The following CHMP7 variants were observed in gnomAD, a reference collection of about 807,000 sequenced individuals.
CHMP7 encodes the protein charged multivesicular body protein 7, also known as CHMP family, member 7.
In CHMP7, 15 loss-of-function variants were observed where a neutral mutation model predicts 53.7. The observed-to-expected ratio is 0.28, with a 90% CI of 0.19 to 0.43. The LOEUF (loss-of-function observed/expected upper bound fraction) is 0.43, where lower values mean the gene tolerates loss of function less well. Ranked by LOEUF, CHMP7 falls within the 20% of genes least tolerant of loss-of-function variation. CHMP7 has a pLI of 1.00. For synonymous variants in CHMP7, 261 were observed against 228.0 expected (o/e 1.14, Z -1.30); for missense variants, 527 against 569.4 (o/e 0.93, Z 0.76).
At chr8:23,247,172 G>C (rs1801733362) in intron 2 of CHMP7, among the ~76,000 whole-genome samples, 178 bp downstream of exon 2, 1 of 152,106 alleles carries the variant, frequency 6.6e-6, no homozygotes, top group Admixed American at 6.5e-5. Flanking sequence ...GGGCTAGGGA[G>C]GCTTGGAGGG....
intron 5 of CHMP7, 91 bp downstream of exon 5, chr8:23,256,684 A>G: frequency 1.2e-6 from 1 of 833,370 alleles, no homozygotes; most frequent in Non-Finnish European, 1.7e-6. Context: ...TTTAAAAAAT[A>G]GGTGGGTTTT....
chr8:23,256,626 C>G, intron 5 of CHMP7, 33 bp downstream of exon 5: 1 of 1,601,110 alleles, frequency 6.2e-7, no homozygotes, highest in South Asian at 1.1e-5. Context: ...GCCTCCTCCC[C>G]ACTGTTGCTG....
chr8:23,254,388 TTTTTG>T (rs1287371380), intron 3 of CHMP7, among the ~76,000 whole-genome samples: 2 of 152,108 alleles, frequency 1.3e-5, no homozygotes, highest in Non-Finnish European at 2.9e-5. Flanking sequence ...TTTTCTTTGT[TTTTTG>T]TTTTGTTTTG....
In CHMP7 at chr8:23,255,258, G is replaced by C; in HGVS notation, c.483G>C (p.Glu161Asp). 1 of 1,614,144 alleles carries C rather than the reference G, an allele frequency of 6.2e-7. No homozygotes were observed. The highest frequency in any genetic ancestry group is 1.3e-5 in the African/African-American group (1 of 75,064). ...VAVELLKEKA[E>D]EVYRLYQNSP... ...TGCCTTTCCCACAGGAAAAGGCTGA[G>C]GAGGTGTATCGTCTGTATCAGAACT... Residue 161 changes from glutamate to aspartate, a missense_variant, in exon 4 of 11, where the codon GAG (glutamate) becomes GAC (aspartate). Transcript: ENST00000397677.
At chr8:23,252,991 G>A (rs1021581218) in intron 3 of CHMP7, among the ~76,000 whole-genome samples, 3 of 152,134 alleles carry the variant, frequency 2.0e-5, no homozygotes, top group Non-Finnish European at 4.4e-5. Context: ...CACTGTTGAC[G>A]AGTCACTTCT....
intron 2 of CHMP7, 60 bp downstream of exon 2, chr8:23,247,054 G>A (rs2128856532): frequency 2.1e-6 from 3 of 1,431,238 alleles, no homozygotes; most frequent in Non-Finnish European, 2.8e-6. Flanking sequence ...TCGGAGGGCC[G>A]GGCCCTGGTC....
rs537332195 is a variant in CHMP7, at chr8:23,258,193, G to A, written c.840+112G>A. 11 of 1,446,090 alleles carry A rather than the reference G, an allele frequency of 7.6e-6. No individual in the cohort carries two copies. In the East Asian group the frequency reaches 1.6e-4, roughly 21 times the overall value. 89.6% of individuals were successfully genotyped at this position (1,446,090 alleles called of 1,614,324 possible). ...GTTTTGAGGGGGGTAGAGTCTGCAG[G>A]GGGCCCAGGCACCACAGCTTATTTT... On this transcript the variant is annotated intron_variant, in intron 6 of 10. Coordinates refer to ENST00000397677, the MANE Select transcript of CHMP7 (RefSeq NM_152272.5).
chr8:23,260,937 AGG>A lies in CHMP7; in HGVS notation c.*341_*342del. The stretch of plus-strand genomic sequence containing the variant: ...CCACCAGCTTCGTTCCAGCCCATGA[AGG>A]GGAAAGATTTGCAGCTTTGCCAAAT... On this transcript the variant is annotated 3_prime_UTR_variant, in exon 11 of 11. Coordinates refer to ENST00000397677, the MANE Select transcript of CHMP7 (RefSeq NM_152272.5). The A allele has an allele frequency of 6.0e-6, 2 of 333,918 alleles. No homozygotes were observed. Among genetic ancestry groups the A allele is most frequent in the East Asian group, 1.1e-4 (2 of 18,134 alleles). The allele number at this position is 333,918 out of a possible 1,614,324, so 20.7% of individuals were successfully genotyped here. A position where few individuals can be genotyped will look rare whatever the true frequency, so the allele number is the denominator to read the frequency against.
rs1802349363 is a variant in CHMP7, at chr8:23,260,628, AAGAG to A, written c.*33_*36del. The A allele has an allele frequency of 1.9e-6, 3 of 1,558,920 alleles. No homozygotes were observed. The highest frequency in any genetic ancestry group is 2.7e-6 in the Non-Finnish European group (3 of 1,129,586). On this transcript the variant is annotated 3_prime_UTR_variant, in exon 11 of 11. Coordinates refer to ENST00000397677, the MANE Select transcript of CHMP7 (RefSeq NM_152272.5). ...CCTCAAGTGAAGGACCCTCATGTAAAAGAGAGACCAGGCTTGCTGGGTGTGTACA... is the reference window on the plus strand; with the variant it reads ...CCTCAAGTGAAGGACCCTCATGTAAAAGACCAGGCTTGCTGGGTGTGTACA...
rs1263320715 is a variant in CHMP7 at position 23,247,040 on chromosome 8, G to C, written c.299+46G>C. 10 of 1,454,188 alleles carry C rather than the reference G, an allele frequency of 6.9e-6. No individual in the cohort carries two copies. In the African/African-American group the frequency reaches 1.4e-4, roughly 21 times the overall value. The allele number at this position is 1,454,188 out of a possible 1,614,324, so 90.1% of individuals were successfully genotyped here. A position where few individuals can be genotyped will look rare whatever the true frequency, so the allele number is the denominator to read the frequency against. On this transcript the variant is annotated intron_variant, in intron 2 of 10. Transcript: ENST00000397677. ...AGGGCCGCGAGGGCGGGCGGGGGCA[G>C]CTCTCGGAGGGCCGGGCCCTGGTCC... is the stretch of plus-strand genomic sequence containing the variant.
In CHMP7 at chr8:23,259,049, G is replaced by A. The variant is rs762434567; in HGVS notation, c.1060-17G>A. ...GCCACCATGCCCAGCTCAAGGCTTT[G>A]CACTTGTCTCTTACAGCTCTGTGAC... On this transcript the variant is annotated splice_polypyrimidine_tract_variant and intron_variant, in intron 8 of 10. Coordinates refer to ENST00000397677, the MANE Select transcript of CHMP7 (RefSeq NM_152272.5). 7 of 1,581,452 alleles carry A rather than the reference G, an allele frequency of 4.4e-6. No individual in the cohort carries two copies. In the South Asian group the frequency reaches 6.6e-5, roughly 15 times the overall value.
chr8:23,259,769 C>T (rs575251174), intron 9 of CHMP7: 7 of 193,350 alleles, frequency 3.6e-5, no homozygotes, highest in South Asian at 3.2e-4. Flanking sequence ...CTAGCCTGCC[C>T]TCCCTGGGGC....
intron 5 of CHMP7, among the ~76,000 whole-genome samples, chr8:23,257,608 G>A (rs1416309951): frequency 1.3e-5 from 2 of 152,186 alleles, no homozygotes; most frequent in Non-Finnish European, 2.9e-5. Context: ...GACTGTACAA[G>A]GAATCCCTAA....
chr8:23,260,346 C>T, intron 10 of CHMP7, 23 bp downstream of exon 10: 1 of 1,612,984 alleles, frequency 6.2e-7, no homozygotes, highest in Non-Finnish European at 8.5e-7. Flanking sequence ...TTTCCAAGGC[C>T]TTTGGAGGGC....
chr8:23,256,896 C>T (rs1253780523), intron 5 of CHMP7, among the ~76,000 whole-genome samples: 1 of 150,270 alleles, frequency 6.7e-6, no homozygotes, highest in Non-Finnish European at 1.5e-5. Context: ...GGGTTCACGC[C>T]ATTTTCCTGC....
At chr8:23,245,419 T>C (rs1260025157) in intron 1 of CHMP7, among the ~76,000 whole-genome samples, 1 of 152,254 alleles carries the variant, frequency 6.6e-6, no homozygotes, top group African/African-American at 2.4e-5. Flanking sequence ...GTTGGTGGAT[T>C]ATATTAATTG....
chr8:23,258,765 C>T lies in CHMP7; in HGVS notation c.994C>T (p.Leu332Phe). ...CGCCTACCAGGCTGGGGTAGGAGCA[C>T]TCAAACTCTCCATGAAGGATGTCAC... The part of the protein sequence containing the change: ...FNAYQAGVGA[L>F]KLSMKDVTVE... Residue 332 changes from leucine (L) to phenylalanine (F), a missense_variant, in exon 8 of 11, where the codon CTC becomes TTC. By Grantham distance (22) the Leu-to-Phe change is conservative (BLOSUM62 0). Transcript: ENST00000397677. 3.1e-6 allele frequency: 5 copies of T among 1,613,700 alleles called. No homozygotes were observed. The highest frequency in any genetic ancestry group is 3.4e-6 in the Non-Finnish European group (4 of 1,179,756).
Position 23,260,640 on chromosome 8 carries a change from G to C in CHMP7, c.*41G>C, listed in dbSNP as rs1197943501. 5 of 1,485,228 alleles carry C rather than the reference G, an allele frequency of 3.4e-6. No homozygotes were observed. Among genetic ancestry groups the C allele is most frequent in the Non-Finnish European group, 3.8e-6 (4 of 1,062,286 alleles). 92.0% of individuals were successfully genotyped at this position (1,485,228 alleles called of 1,614,324 possible). ...GACCCTCATGTAAAAGAGAGACCAG[G>C]CTTGCTGGGTGTGTACATAGTTATT... On this transcript the variant is annotated 3_prime_UTR_variant, in exon 11 of 11. Transcript: ENST00000397677.
rs193138020 is a variant in CHMP7 at position 23,249,102 on chromosome 8, C to T, written c.300-108C>T. ...ACAGCGTAGGTGCTTAACAAATGGT[C>T]GTGATGATAATGATAAAATTCCTCT... On this transcript the variant is annotated intron_variant, in intron 2 of 10. Transcript: ENST00000397677. 2.6e-3 allele frequency: 2,440 copies of T among 927,086 alleles called. 10 individuals carry two copies. Among genetic ancestry groups the T allele is most frequent in the South Asian group, 7.2e-3 (377 of 52,332 alleles). The allele number at this position is 927,086 out of a possible 1,614,324, so 57.4% of individuals were successfully genotyped here.
Sources: allele counts gnomAD v4.1 joint callset (sites outside exome capture counted in the v4.1 genomes callset), GRCh38; gene constraint gnomAD v4.1.1; transcripts MANE v1.5; gene names NCBI Gene and HGNC (gene_info 2026-07-23, HGNC 2026-07-21).